RNPC3: variants seen among roughly 807,000 people sequenced by gnomAD.
RNPC3 encodes the protein RNA binding region (RNP1, RRM) containing 3, also known as RNA-binding region-containing protein 3.
A neutral mutation model predicts 67.5 loss-of-function variants in RNPC3; 48 were observed. That is an observed-to-expected ratio of 0.71 (90% CI 0.56 to 0.90). RNPC3 has a LOEUF of 0.90. RNPC3 is among the 40% of genes least tolerant of loss of function. RNPC3 has a pLI of 0.00. For missense variants in RNPC3, 637 were observed against 626.1 expected (o/e 1.02, Z -0.19); for synonymous variants, 239 against 210.3 (o/e 1.14, Z -1.18).
intron 8 of RNPC3, among the ~76,000 whole-genome samples, chr1:103,542,553 A>G (rs1651146049): frequency 6.6e-6 from 1 of 151,948 alleles, no homozygotes; most frequent in Admixed American, 6.6e-5. Flanking sequence ...GATTTGGGAT[A>G]AGGGTCAGAC....
At chr1:103,537,136 T>C (rs1315463116) in intron 6 of RNPC3, among the ~76,000 whole-genome samples, 1 of 152,090 alleles carries the variant, frequency 6.6e-6, no homozygotes, top group Non-Finnish European at 1.5e-5. Context: ...CTTTGAAAAT[T>C]TAGTTCAGCT....
chr1:103,539,855 G>C (rs192300079), intron 7 of RNPC3, among the ~76,000 whole-genome samples: 9 of 152,134 alleles, frequency 5.9e-5, no homozygotes, highest in Admixed American at 2.6e-4. Flanking sequence ...ACCTTTGCTT[G>C]TTTTCTTTCT....
chr1:103,545,869 A>G (rs879770753), intron 10 of RNPC3: 2 of 152,612 alleles, frequency 1.3e-5, no homozygotes, highest in Admixed American at 1.3e-4. Context: ...TCTTTTTTAT[A>G]ACATGACTCA....
intron 6 of RNPC3, 104 bp from the exon 7 acceptor site, chr1:103,537,238 A>T (rs1651008086): frequency 4.7e-6 from 4 of 843,214 alleles, no homozygotes; most frequent in Non-Finnish European, 6.9e-6. Flanking sequence ...TGTTAAAAAA[A>T]AAAAAAGACC....
chr1:103,543,792 T>G (rs539413798), intron 9 of RNPC3, among the ~76,000 whole-genome samples: 1 of 151,866 alleles, frequency 6.6e-6, no homozygotes, highest in South Asian at 2.1e-4. Context: ...TGTAACTATA[T>G]TAATACTGGT....
chr1:103,544,307 G>A (rs1050335988), intron 9 of RNPC3, among the ~76,000 whole-genome samples: 1 of 151,774 alleles, frequency 6.6e-6, no homozygotes, highest in African/African-American at 2.4e-5. Flanking sequence ...CTTGTTGAAA[G>A]TTTGTTATCT....
intron 12 of RNPC3, among the ~76,000 whole-genome samples, chr1:103,548,389 G>T (rs759868836): frequency 5.9e-5 from 9 of 152,036 alleles, no homozygotes. Flanking sequence ...GATTTCTTCC[G>T]ACAGATACCC....
chr1:103,541,423 A>T lies in RNPC3; in HGVS notation c.841A>T (p.Lys281Ter). 6.7e-7 allele frequency: 1 copy of T among 1,494,232 alleles called. No individual in the cohort carries two copies. The highest frequency in any genetic ancestry group is 8.8e-7 in the Non-Finnish European group (1 of 1,133,274). 92.6% of individuals were successfully genotyped at this position (1,494,232 alleles called of 1,614,324 possible). The stretch of plus-strand genomic sequence containing the variant: ...AACAATAAAGCAGCGCCATGTGAGA[A>T]AAAAGAGAAAAATAAAGGATATGTT... ...PKTIKQRHVR[K>*]KRKIKDMLNT... Residue 281 changes from lysine to a stop codon, truncating the protein, a stop_gained, in exon 8 of 15, where the codon AAA (lysine) becomes TAA (stop). Coordinates refer to ENST00000423855, the MANE Select transcript of RNPC3 (RefSeq NM_017619.4). LOFTEE classifies it high-confidence loss of function.
chr1:103,551,638 C>A, intron 13 of RNPC3, 83 bp from the exon 14 acceptor site: 3 of 788,116 alleles, frequency 3.8e-6, no homozygotes, highest in Non-Finnish European at 6.1e-6. Flanking sequence ...CATACTCCCA[C>A]CATACACTAG....
chr1:103,553,623 G>T (rs1651453213), intron 14 of RNPC3: 1 of 152,044 alleles, frequency 6.6e-6, no homozygotes, highest in Admixed American at 6.6e-5. Context: ...TCTTCTATTT[G>T]TATGTTTCCT....
At chr1:103,553,994 A>T (rs1651466422) in intron 14 of RNPC3, 2 of 152,212 alleles carry the variant, frequency 1.3e-5, no homozygotes. Flanking sequence ...AGACTGGTTG[A>T]TGACCGTAAT....
chr1:103,531,326 T>C (rs1284952513), intron 2 of RNPC3, among the ~76,000 whole-genome samples: 4 of 152,200 alleles, frequency 2.6e-5, no homozygotes, highest in Admixed American at 2.6e-4. Context: ...GCAACTGTCT[T>C]TTTTGTATAA....
chr1:103,535,718 G>A (rs928306951), intron 5 of RNPC3, among the ~76,000 whole-genome samples: 1 of 151,992 alleles, frequency 6.6e-6, no homozygotes, highest in Admixed American at 6.6e-5. Flanking sequence ...TAAAAGAAAA[G>A]TTATAGTAGA....
At chr1:103,551,861 G>A (rs1466439972) in intron 14 of RNPC3, 69 bp downstream of exon 14, 1 of 817,200 alleles carries the variant, frequency 1.2e-6, no homozygotes, top group African/African-American at 1.8e-5. Context: ...ATAAAAGTTT[G>A]ACAAGGTAGT....
In RNPC3 at chr1:103,525,931, G is replaced by T. The variant is rs1557753953; in HGVS notation, c.-140G>T. ...TCGGTGGCGCAGTTCTCGCGAGAAG[G>T]TGACTTTCTTTCTCGGTATTTCCTG... On this transcript the variant is annotated 5_prime_UTR_variant, in exon 1 of 15. Coordinates refer to ENST00000423855, the MANE Select transcript of RNPC3 (RefSeq NM_017619.4). The T allele has an allele frequency of 2.9e-6, 2 of 694,334 alleles. No homozygotes were observed. Among genetic ancestry groups the T allele is most frequent in the South Asian group, 4.0e-5 (2 of 50,528 alleles). 43.0% of individuals were successfully genotyped at this position (694,334 alleles called of 1,614,324 possible).
At chr1:103,534,704 T>C (rs999890343) in intron 3 of RNPC3, 70 bp from the exon 4 acceptor site, 1 of 805,692 alleles carries the variant, frequency 1.2e-6, no homozygotes, top group Admixed American at 3.5e-5. Context: ...GAAAAGGTAA[T>C]TTATCTTTTC....
In RNPC3 at chr1:103,544,999, A is replaced by T. The variant is rs778419432; in HGVS notation, c.1104A>T (p.Lys368Asn). ...SNIGFGKIFP[K>N]PNLDITEEIK... ...TAGGATTTGGAAAAATCTTCCCCAA[A>T]CCTAATTTGGACATCACAGAGGAGA... The change falls in exon 10 of 15, where the codon AAA becomes AAT. Residue 368 changes from lysine to asparagine, a missense_variant. Coordinates refer to ENST00000423855, the MANE Select transcript of RNPC3 (RefSeq NM_017619.4). 2.1e-4 allele frequency: 316 copies of T among 1,533,708 alleles called. No individual in the cohort carries two copies. Among genetic ancestry groups the T allele is most frequent in the Non-Finnish European group, 2.6e-4 (296 of 1,144,738 alleles).
chr1:103,550,455 C>T (rs1232072303), intron 12 of RNPC3, among the ~76,000 whole-genome samples: 1 of 151,684 alleles, frequency 6.6e-6, no homozygotes, highest in African/African-American at 2.4e-5. Flanking sequence ...TCCTGACTAA[C>T]ACGGTGAAAC....
At chr1:103,537,243 A>T (rs1482057976) in intron 6 of RNPC3, 99 bp from the exon 7 acceptor site, 1 of 858,748 alleles carries the variant, frequency 1.2e-6, no homozygotes, top group Non-Finnish European at 1.7e-6. Context: ...AAAAAAAAAA[A>T]AGACCATGTG....
Sources: gnomAD v4.1 joint callset for allele counts (sites outside exome capture counted in the v4.1 genomes callset) on GRCh38, gnomAD v4.1.1 for gene constraint, MANE v1.5 for transcripts, NCBI Gene and HGNC (gene_info 2026-07-23, HGNC 2026-07-21) for gene names.